The following CSMD1 variants were observed in gnomAD, a reference collection of about 807,000 sequenced individuals.
CSMD1 encodes CUB and Sushi multiple domains 1, also known as CUB and sushi domain-containing protein 1.
Under a neutral mutation model 417.5 loss-of-function variants are expected in CSMD1, and 213 were observed. That is an observed-to-expected ratio of 0.51 (90% CI 0.46 to 0.57). The LOEUF (loss-of-function observed/expected upper bound fraction) is 0.57, where lower values mean the gene tolerates loss of function less well. Among genes scored for constraint, CSMD1 ranks in the 20% least tolerant of loss-of-function variants. The pLI, the probability that CSMD1 is intolerant of heterozygous loss-of-function variation, is 0.00. For missense variants in CSMD1, 6,923 were observed against 4,529.7 expected, an observed-to-expected ratio of 1.53 and a Z score of -15.17; for synonymous variants, 2,862 against 1,736.8, an observed-to-expected ratio of 1.65 and a Z score of -16.11.
chr8:4,807,663 C>T (rs747437629), intron 1 of CSMD1, among the ~76,000 whole-genome samples: 25 of 152,112 alleles, frequency 1.6e-4, no homozygotes, highest in African/African-American at 4.6e-4. Flanking sequence ...TACATGCACA[C>T]GTACATACAT....
intron 10 of CSMD1, among the ~76,000 whole-genome samples, chr8:3,495,974 C>G (rs1257471827): frequency 6.6e-6 from 1 of 152,096 alleles, no homozygotes; most frequent in African/African-American, 2.4e-5. Flanking sequence ...TAAACACGTG[C>G]CATGGTGGTT....
At position 3,730,939 on chromosome 8, in the gene CSMD1, G is replaced by A. The variant is rs1319256587; in HGVS notation, c.932-22448C>T. Among the ~76,000 whole-genome samples, 4 of 152,142 alleles carry A rather than the reference G, an allele frequency of 2.6e-5. No homozygotes were observed. The East Asian group carries it at 7.7e-4, about 29-fold the overall frequency. Reference sequence around the variant, plus strand: ...AAAGTGCCATTTCTTGCCAAAGGTTGCTTTTGTAAAAATTATTTTAGTGGG... The same window carrying A: ...AAAGTGCCATTTCTTGCCAAAGGTTACTTTTGTAAAAATTATTTTAGTGGG... On this transcript the variant is annotated intron_variant, in intron 6 of 69. Coordinates refer to ENST00000635120, the MANE Select transcript of CSMD1 (RefSeq NM_033225.6).
At chr8:4,187,348 G>A (rs17405538) in intron 3 of CSMD1, among the ~76,000 whole-genome samples, 26,971 of 152,040 alleles carry the variant, frequency 0.18, 2,696 homozygotes, top group South Asian at 0.3. Context: ...ACACAGGTAA[G>A]CATTAAGTAG....
intron 4 of CSMD1, among the ~76,000 whole-genome samples, chr8:4,018,365 G>T (rs555142548): frequency 8.1e-4 from 123 of 152,298 alleles, no homozygotes; most frequent in Non-Finnish European, 1.2e-3. Flanking sequence ...ATGCCGAGGA[G>T]CTGCCATCAT....
intron 1 of CSMD1, among the ~76,000 whole-genome samples, chr8:4,810,702 C>T (rs753716479): frequency 3.9e-5 from 6 of 152,026 alleles, no homozygotes; most frequent in African/African-American, 9.7e-5. Flanking sequence ...AATGAGATTC[C>T]GTCATCTGGA....
At chr8:4,129,074 CAAA>C (rs10538387) in intron 3 of CSMD1, among the ~76,000 whole-genome samples, 10 of 80,740 alleles carry the variant, frequency 1.2e-4, no homozygotes, top group African/African-American at 3.6e-4. Context: ...GAGTCCAACT[CAAA>C]AAAAAAAAAA....
intron 10 of CSMD1, among the ~76,000 whole-genome samples, chr8:3,573,250 C>G (rs1800015769): frequency 6.6e-6 from 1 of 152,038 alleles, no homozygotes. Context: ...ATCTCTTTGC[C>G]CAAATTCATG....
At chr8:4,238,809 G>T (rs1258907152) in intron 3 of CSMD1, among the ~76,000 whole-genome samples, 1 of 152,090 alleles carries the variant, frequency 6.6e-6, no homozygotes, top group East Asian at 1.9e-4. Flanking sequence ...TTTTGTAAAT[G>T]CTTTGGCCCA....
intron 3 of CSMD1, among the ~76,000 whole-genome samples, chr8:4,337,084 GT>G (rs1800216396): frequency 6.6e-6 from 1 of 152,084 alleles, no homozygotes. Context: ...GTCCCAGAGG[GT>G]TGCCAACGTT....
At chr8:4,297,542 G>A (rs1398122127) in intron 3 of CSMD1, among the ~76,000 whole-genome samples, 4 of 152,100 alleles carry the variant, frequency 2.6e-5, no homozygotes, top group African/African-American at 9.7e-5. Context: ...CCTCACATAT[G>A]ATCAATTTAT....
chr8:4,054,235 A>G (rs965884704), intron 3 of CSMD1, among the ~76,000 whole-genome samples: 1 of 152,184 alleles, frequency 6.6e-6, no homozygotes, highest in South Asian at 2.1e-4. Context: ...GTAGCTGAAC[A>G]TGGACAAATG....
intron 1 of CSMD1, among the ~76,000 whole-genome samples, chr8:4,831,285 T>C (rs2117443414): frequency 6.6e-6 from 1 of 152,332 alleles, no homozygotes; most frequent in East Asian, 1.9e-4. Flanking sequence ...AGTGCTCCAC[T>C]GGGAGTCTTT....
intron 1 of CSMD1, among the ~76,000 whole-genome samples, chr8:4,906,373 G>C (rs11992884): frequency 0.25 from 37,475 of 151,982 alleles, 5,341 homozygotes; most frequent in East Asian, 0.53. Context: ...ATGTTATTGT[G>C]GGTAGAACAC....
rs568060383 is a variant in CSMD1, at chr8:4,697,033, G to A, written c.86-59475C>T. 3.2e-4 allele frequency among the ~76,000 whole-genome samples: 49 copies of A among 152,126 alleles called. No individual in the cohort carries two copies. In the South Asian group the frequency reaches 7.1e-3, roughly 22 times the overall value. On this transcript the variant is annotated intron_variant, in intron 1 of 69. Transcript: ENST00000635120. ...CTAAAAATACAAAAATTATCTGGGC[G>A]TGGTGGTGCGTGCCTGTAATCCCAG...
chr8:4,113,464 G>C (rs907744113), intron 3 of CSMD1, among the ~76,000 whole-genome samples: 7 of 138,592 alleles, frequency 5.1e-5, no homozygotes, highest in Admixed American at 1.6e-4. Flanking sequence ...GACTGCAATG[G>C]TGCAATCTTG....
At chr8:3,367,751 G>A (rs762998528) in intron 19 of CSMD1, among the ~76,000 whole-genome samples, 1 of 152,134 alleles carries the variant, frequency 6.6e-6, no homozygotes, top group East Asian at 1.9e-4. Flanking sequence ...GGAGATTATA[G>A]ATGTAGTTAT....
chr8:4,483,158 G>C (rs139150742), intron 2 of CSMD1, among the ~76,000 whole-genome samples: 6 of 152,212 alleles, frequency 3.9e-5, no homozygotes, highest in Middle Eastern at 3.4e-3. Flanking sequence ...CCGATGGTTT[G>C]ATAAGGGGTA....
intron 25 of CSMD1, among the ~76,000 whole-genome samples, chr8:3,299,847 C>G (rs1051307222): frequency 1.3e-5 from 2 of 152,110 alleles, no homozygotes; most frequent in Non-Finnish European, 2.9e-5. Context: ...AAGCCTTTGT[C>G]CAGTTTCAGA....
chr8:3,511,289 T>G (rs61187488), intron 10 of CSMD1, among the ~76,000 whole-genome samples: 10,914 of 151,636 alleles, frequency 0.072, 550 homozygotes, highest in Admixed American at 0.15. Flanking sequence ...AGATGACAGG[T>G]TGATGGATAC....
Sources: gnomAD v4.1 joint callset for allele counts (sites outside exome capture counted in the v4.1 genomes callset) on GRCh38, gnomAD v4.1.1 for gene constraint, MANE v1.5 for transcripts, NCBI Gene and HGNC (gene_info 2026-07-23, HGNC 2026-07-21) for gene names.